Variants in LRP1B observed in about 807,000 individuals in gnomAD.
The protein encoded by LRP1B is low-density lipoprotein receptor-related protein 1B.
LRP1B carries 217 observed loss-of-function variants against 556.6 expected under a neutral mutation model. The observed-to-expected ratio is 0.39, with a 90% CI of 0.35 to 0.44. The LOEUF is 0.44. Ranked by LOEUF, LRP1B falls within the 20% of genes least tolerant of loss-of-function variation. The pLI is 1.00. For missense variants in LRP1B, 5,053 were observed against 5,620.8 expected (o/e 0.90, Z 3.23); for synonymous variants, 2,047 against 1,865.8 (o/e 1.10, Z -2.50).
intron 3 of LRP1B, among the ~76,000 whole-genome samples, chr2:141,289,617 G>T (rs1326327823): frequency 1.3e-5 from 2 of 151,994 alleles, no homozygotes; most frequent in Non-Finnish European, 2.9e-5. Flanking sequence ...AAAGGGAAAA[G>T]GCTCTACTTT....
At chr2:141,631,372 A>G (rs1418560281) in intron 2 of LRP1B, among the ~76,000 whole-genome samples, 1 of 152,072 alleles carries the variant, frequency 6.6e-6, no homozygotes, top group Non-Finnish European at 1.5e-5. Context: ...CATACCTATC[A>G]TATGACAGTT....
At chr2:140,971,630 C>G (rs149308010) in intron 18 of LRP1B, among the ~76,000 whole-genome samples, 4,688 of 152,138 alleles carry the variant, frequency 0.031, 182 homozygotes, top group African/African-American at 0.091. Flanking sequence ...GTCAGGAGAT[C>G]GAGACCATCC....
At chr2:141,027,837 T>C (rs1473987767) in intron 11 of LRP1B, among the ~76,000 whole-genome samples, 1 of 152,080 alleles carries the variant, frequency 6.6e-6, no homozygotes, top group Non-Finnish European at 1.5e-5. Flanking sequence ...ACCAGAGAGC[T>C]CTCTAATCCT....
intron 15 of LRP1B, among the ~76,000 whole-genome samples, chr2:141,005,122 T>C (rs142799624): frequency 1.3e-5 from 2 of 152,160 alleles, no homozygotes; most frequent in South Asian, 2.1e-4. Flanking sequence ...AAATCACCCA[T>C]AGCAGTGAAC....
intron 3 of LRP1B, among the ~76,000 whole-genome samples, chr2:141,270,998 A>T (rs1333508403): frequency 6.6e-6 from 1 of 152,040 alleles, no homozygotes; most frequent in African/African-American, 2.4e-5. Context: ...AAAGAAGTAA[A>T]TGAAGCTATA....
Position 140,514,686 on chromosome 2 carries a change from C to T in LRP1B, c.8236G>A (p.Gly2746Arg), listed in dbSNP as rs1319762260. The T allele has an allele frequency of 3.1e-6, 5 of 1,612,396 alleles. No individual in the cohort carries two copies. The highest frequency in any genetic ancestry group is 1.3e-5 in the African/African-American group (1 of 74,934). The change falls in exon 51 of 91, where the codon GGG (glycine) becomes AGG (arginine). Residue 2746 changes from glycine (G) to arginine (R), a missense_variant. By Grantham distance (125) the Gly-to-Arg change is moderately radical. Coordinates refer to ENST00000389484, the MANE Select transcript of LRP1B (RefSeq NM_018557.3). ...CTGTCACTTTCATCTAACCCATCCC[C>T]ACAGTCATCTTCTCCATCACAAATC... Reference protein sequence around the residue: ...HWICDGEDDCGDGLDESDSIC... With the variant: ...HWICDGEDDCRDGLDESDSIC...
chr2:140,481,146 G>A (rs1468276644), intron 59 of LRP1B, among the ~76,000 whole-genome samples: 5 of 152,182 alleles, frequency 3.3e-5, no homozygotes, highest in African/African-American at 9.7e-5. Flanking sequence ...AATTACAGGC[G>A]TGAGCCACTG....
chr2:141,985,610 T>A (rs2105103954), intron 1 of LRP1B, among the ~76,000 whole-genome samples: 1 of 151,974 alleles, frequency 6.6e-6, no homozygotes, highest in East Asian at 1.9e-4. Context: ...CACAATTCTT[T>A]CATTTTTTTT....
chr2:141,177,211 C>T (rs1469418550), intron 7 of LRP1B, among the ~76,000 whole-genome samples: 1 of 152,082 alleles, frequency 6.6e-6, no homozygotes, highest in African/African-American at 2.4e-5. Flanking sequence ...GGCTCCATCT[C>T]TCAATGACTA....
intron 7 of LRP1B, among the ~76,000 whole-genome samples, chr2:141,123,371 AG>A (rs1164057271): frequency 6.6e-6 from 1 of 152,002 alleles, no homozygotes; most frequent in Non-Finnish European, 1.5e-5. Flanking sequence ...GCCTCTTTTA[AG>A]AAGTAAAATG....
At chr2:141,358,305 G>T (rs921002927) in intron 3 of LRP1B, among the ~76,000 whole-genome samples, 3 of 152,328 alleles carry the variant, frequency 2.0e-5, no homozygotes, top group Admixed American at 1.3e-4. Context: ...CACCCTGAAG[G>T]TTAGGCAGAT....
chr2:141,963,088 T>A (rs990971742), intron 1 of LRP1B, among the ~76,000 whole-genome samples: 1 of 151,782 alleles, frequency 6.6e-6, no homozygotes, highest in African/African-American at 2.4e-5. Context: ...TATCTAAAAA[T>A]CAATTATAGG....
At chr2:141,752,600 G>A (rs1694154722) in intron 2 of LRP1B, among the ~76,000 whole-genome samples, 1 of 151,998 alleles carries the variant, frequency 6.6e-6, no homozygotes, top group Non-Finnish European at 1.5e-5. Flanking sequence ...TAGCTTTTAA[G>A]AACTCACTGT....
rs1258819835 is a variant in LRP1B at position 141,885,097 on chromosome 2, T to A, written c.83-74696A>T. ...ATATTAAGGTTTCATATTAAATATT[T>A]AAATTGTGATGTGCTTATGAAATAT... On this transcript the variant is annotated intron_variant, in intron 1 of 90. Transcript: ENST00000389484. Among the ~76,000 whole-genome samples, 3 of 152,230 alleles carry A rather than the reference T, an allele frequency of 2.0e-5. No individual in the cohort carries two copies. The East Asian group carries it at 5.8e-4, about 29-fold the overall frequency.
chr2:141,297,353 T>C (rs1686221021), intron 3 of LRP1B, among the ~76,000 whole-genome samples: 1 of 152,206 alleles, frequency 6.6e-6, no homozygotes, highest in African/African-American at 2.4e-5. Context: ...TATGCACTGT[T>C]GGTGGGAATT....
intron 1 of LRP1B, among the ~76,000 whole-genome samples, chr2:142,071,669 G>A (rs186202461): frequency 2.6e-4 from 39 of 152,012 alleles, no homozygotes; most frequent in Admixed American, 1.4e-3. Context: ...GAGACTGTAC[G>A]ACCTGTAAAC....
intron 1 of LRP1B, among the ~76,000 whole-genome samples, chr2:141,831,994 C>T (rs1697126169): frequency 6.6e-6 from 1 of 151,638 alleles, no homozygotes; most frequent in Non-Finnish European, 1.5e-5. Flanking sequence ...AATGGTCACT[C>T]TAATAGTACT....
chr2:140,467,327 G>T (rs1687585789), intron 60 of LRP1B, among the ~76,000 whole-genome samples: 1 of 152,006 alleles, frequency 6.6e-6, no homozygotes, highest in African/African-American at 2.4e-5. Context: ...TATTAGGCCT[G>T]GTGCAGTGGC....
chr2:140,752,614 C>CA (rs71408472), intron 35 of LRP1B, among the ~76,000 whole-genome samples: 1 of 152,098 alleles, frequency 6.6e-6, no homozygotes, highest in Non-Finnish European at 1.5e-5. Context: ...CGTGAGCCAC[C>CA]ACGCCCAGGC....
Sources: allele counts gnomAD v4.1 joint callset (sites outside exome capture counted in the v4.1 genomes callset), GRCh38; gene constraint gnomAD v4.1.1; transcripts MANE v1.5; gene names NCBI Gene and HGNC (gene_info 2026-07-23, HGNC 2026-07-21).